Variants in IGFL2 observed in about 807,000 individuals in gnomAD.
IGFL2 encodes insulin growth factor-like family member 2.
In IGFL2, 7 loss-of-function variants were observed where a neutral mutation model predicts 13.9. That is an observed-to-expected ratio of 0.51 (90% CI 0.29 to 0.95). IGFL2 has a LOEUF of 0.95. Among genes scored for constraint, IGFL2 ranks in the 40% least tolerant of loss-of-function variants. The pLI is 0.08. For missense variants in IGFL2, 138 were observed against 147.8 expected, an observed-to-expected ratio of 0.93 and a Z score of 0.34; for synonymous variants, 55 against 55.8, an observed-to-expected ratio of 0.99 and a Z score of 0.07.
intron 1 of IGFL2, among the ~76,000 whole-genome samples, chr19:46,151,703 C>T (rs143811676): frequency 1.7e-4 from 26 of 152,204 alleles, no homozygotes; most frequent in Admixed American, 3.3e-4. Flanking sequence ...TGATCTCAGG[C>T]GTTAAGAGAC....
At chr19:46,103,440 A>G in the IGFL2 span, among the ~76,000 whole-genome samples, 2 of 152,150 alleles carry the variant, frequency 1.3e-5, no homozygotes, top group African/African-American at 4.8e-5. Flanking sequence ...TGAGAATAAG[A>G]GTGAGTGTAA....
chr19:46,135,273 T>G, the IGFL2 span, among the ~76,000 whole-genome samples: 2 of 152,200 alleles, frequency 1.3e-5, no homozygotes, highest in African/African-American at 4.8e-5. Context: ...CACTTCCTGC[T>G]CCAGGATCCA....
the IGFL2 span, among the ~76,000 whole-genome samples, chr19:46,172,957 G>A: frequency 2.6e-5 from 4 of 152,104 alleles, no homozygotes; most frequent in African/African-American, 9.7e-5. Context: ...TGTAATATAG[G>A]TTTATATTGG....
At chr19:46,112,418 T>TGG in the IGFL2 span, among the ~76,000 whole-genome samples, 20 of 152,144 alleles carry the variant, frequency 1.3e-4, no homozygotes, top group African/African-American at 4.6e-4. Context: ...AAAAAAGCTG[T>TGG]GGGGCTTCTA....
At chr19:46,191,006 C>T in the IGFL2 span, among the ~76,000 whole-genome samples, 1 of 152,080 alleles carries the variant, frequency 6.6e-6, no homozygotes, top group Non-Finnish European at 1.5e-5. Flanking sequence ...ATGCACCATC[C>T]CCACAATGCC....
the IGFL2 span, among the ~76,000 whole-genome samples, chr19:46,183,021 G>T: frequency 5.3e-5 from 8 of 151,996 alleles, no homozygotes; most frequent in African/African-American, 1.7e-4. Flanking sequence ...TAAAGCTACT[G>T]CCTGAGATTG....
chr19:46,165,437 C>T (rs1974354116), downstream of IGFL2, among the ~76,000 whole-genome samples: 1 of 152,246 alleles, frequency 6.6e-6, no homozygotes, highest in African/African-American at 2.4e-5. Flanking sequence ...TGAAGGACAC[C>T]TTCCAGAAAC....
chr19:46,124,322 C>G, the IGFL2 span: 2 of 1,609,350 alleles, frequency 1.2e-6, no homozygotes, highest in Non-Finnish European at 1.7e-6. Flanking sequence ...CAGACAAGAG[C>G]TAAGGGAGAA....
At chr19:46,116,222 G>A in the IGFL2 span, among the ~76,000 whole-genome samples, 6 of 152,018 alleles carry the variant, frequency 3.9e-5, no homozygotes, top group East Asian at 1.2e-3. Context: ...TCATTTCCCA[G>A]TCTTTTAAGA....
the IGFL2 span, among the ~76,000 whole-genome samples, chr19:46,082,186 T>C: frequency 4.6e-5 from 7 of 152,218 alleles, no homozygotes; most frequent in African/African-American, 1.7e-4. Context: ...TCAGTTCAAA[T>C]TACTGTTACT....
chr19:46,086,022 T>C, the IGFL2 span, among the ~76,000 whole-genome samples: 1 of 152,094 alleles, frequency 6.6e-6, no homozygotes, highest in Non-Finnish European at 1.5e-5. Context: ...TTTTCTTTGT[T>C]TTTGTCTGAC....
the IGFL2 span, chr19:46,208,340 G>A: frequency 6.6e-6 from 1 of 152,242 alleles, no homozygotes; most frequent in African/African-American, 2.4e-5. Context: ...CCACAGCTGA[G>A]GACTCAGCAG....
At chr19:46,178,924 TG>T in the IGFL2 span, among the ~76,000 whole-genome samples, 4 of 152,242 alleles carry the variant, frequency 2.6e-5, no homozygotes, top group Non-Finnish European at 5.9e-5. Flanking sequence ...CCCCAGACTG[TG>T]GTCACTCACA....
the IGFL2 span, among the ~76,000 whole-genome samples, chr19:46,083,210 G>C: frequency 6.6e-6 from 1 of 152,230 alleles, no homozygotes; most frequent in African/African-American, 2.4e-5. Context: ...TGGATGCAGT[G>C]CACAAAGACA....
At chr19:46,176,184 CAA>C in the IGFL2 span, among the ~76,000 whole-genome samples, 9 of 117,486 alleles carry the variant, frequency 7.7e-5, no homozygotes, top group Admixed American at 1.7e-4. Flanking sequence ...AAATTAATGC[CAA>C]AAAAAAAAAA....
chr19:46,086,002 T>C, the IGFL2 span, among the ~76,000 whole-genome samples: 51 of 152,306 alleles, frequency 3.3e-4, no homozygotes, highest in African/African-American at 2.6e-4. Flanking sequence ...ACTCATTCTT[T>C]TAAATTATTT....
At chr19:46,093,504 G>A in the IGFL2 span, among the ~76,000 whole-genome samples, 1 of 152,176 alleles carries the variant, frequency 6.6e-6, no homozygotes. Context: ...AGGCAAGGGA[G>A]TCTATTTTCA....
chr19:46,142,386 C>G (rs747132804), upstream of IGFL2, among the ~76,000 whole-genome samples: 1 of 152,214 alleles, frequency 6.6e-6, no homozygotes, highest in Non-Finnish European at 1.5e-5. Context: ...AAAAAGCTTT[C>G]TAGCAGTCTA....
chr19:46,131,493 A>AAT, the IGFL2 span, among the ~76,000 whole-genome samples: 1 of 152,256 alleles, frequency 6.6e-6, no homozygotes, highest in Non-Finnish European at 1.5e-5. Context: ...TTGGCTTTGG[A>AAT]AAGCATGAGC....
Sources: gnomAD v4.1 joint callset for allele counts (sites outside exome capture counted in the v4.1 genomes callset) on GRCh38, gnomAD v4.1.1 for gene constraint, MANE v1.5 for transcripts, NCBI Gene and HGNC (gene_info 2026-07-23, HGNC 2026-07-21) for gene names.